MCRS1: variants seen among roughly 807,000 people sequenced by gnomAD.
MCRS1 encodes the protein microspherule protein 1, also known as 58 kDa microspherule protein.
A neutral mutation model predicts 62.9 loss-of-function variants in MCRS1; 22 were observed. That is an observed-to-expected ratio of 0.35 (90% CI 0.25 to 0.50). The LOEUF (loss-of-function observed/expected upper bound fraction) is 0.50, where lower values mean the gene tolerates loss of function less well. Among genes scored for constraint, MCRS1 ranks in the 20% least tolerant of loss-of-function variants. MCRS1 has a pLI of 0.98. For synonymous variants in MCRS1, 244 were observed against 233.5 expected (o/e 1.04, Z -0.41); for missense variants, 456 against 601.1 (o/e 0.76, Z 2.52).
intron 8 of MCRS1, among the ~76,000 whole-genome samples, chr12:49,561,989 C>T (rs553862667): frequency 4.6e-5 from 7 of 152,308 alleles, no homozygotes; most frequent in African/African-American, 1.4e-4. Flanking sequence ...AGTATCTGTT[C>T]TCTCTGTGGG....
chr12:49,564,405 T>A (rs574026039), intron 6 of MCRS1, 76 bp downstream of exon 6: 399 of 1,273,160 alleles, frequency 3.1e-4, no homozygotes, highest in Non-Finnish European at 4.3e-4. Context: ...GGGGCCCTGG[T>A]ACAATTCCCT....
intron 2 of MCRS1, 57 bp downstream of exon 2, chr12:49,566,665 G>A: frequency 6.2e-7 from 1 of 1,611,746 alleles, no homozygotes; most frequent in Non-Finnish European, 8.5e-7. Flanking sequence ...GCACAGAGTG[G>A]AATCAGCAGA....
chr12:49,559,050 G>A lies in MCRS1; in HGVS notation c.1175-80C>T. ...GGGGAAAGGCCAGAGAGAGCCAGGA[G>A]CTTCCATGGACCAGCTCTGCTTCCT... is the stretch of plus-strand genomic sequence containing the variant. On this transcript the variant is annotated intron_variant, in intron 13 of 14. Transcript: ENST00000343810. This position sits in a 1 kb window ranked among gnomAD's most constrained non-coding sequence, Gnocchi z 5.2. 5.7e-6 allele frequency: 9 copies of A among 1,585,876 alleles called. No homozygotes were observed. Among genetic ancestry groups the A allele is most frequent in the Non-Finnish European group, 7.8e-6 (9 of 1,160,090 alleles).
intron 8 of MCRS1, among the ~76,000 whole-genome samples, chr12:49,561,047 C>CT (rs1027829090): frequency 5.3e-5 from 8 of 152,094 alleles, no homozygotes; most frequent in African/African-American, 1.9e-4. Flanking sequence ...TCATGAAAGT[C>CT]TGTTTTTTTT....
At position 49,564,843 on chromosome 12, in the gene MCRS1, C is replaced by T. The variant is rs1159458580; in HGVS notation, c.341G>A (p.Gly114Glu). Reference protein sequence around the residue: ...PVPPSPAPAPGLTKRVKKSKQ... With the variant: ...PVPPSPAPAPELTKRVKKSKQ... ...ACTCTTCTTCACACGCTTGGTGAGTCCAGGGGCTGGGGCTGGGCTGGGTGG... is the reference window on the plus strand; with the variant it reads ...ACTCTTCTTCACACGCTTGGTGAGTTCAGGGGCTGGGGCTGGGCTGGGTGG... The change falls in exon 5 of 15, where the codon GGA becomes GAA. Residue 114 changes from glycine (G) to glutamate (E), a missense_variant. Transcript: ENST00000343810. 1 of 1,613,714 alleles carries T rather than the reference C, an allele frequency of 6.2e-7. No homozygotes were observed. The highest frequency in any genetic ancestry group is 8.5e-7 in the Non-Finnish European group (1 of 1,179,810).
Position 49,566,151 on chromosome 12 carries a change from C to T in MCRS1, c.75G>A (p.Glu25=). 6.2e-7 allele frequency: 1 copy of T among 1,614,220 alleles called. No homozygotes were observed. The highest frequency in any genetic ancestry group is 1.1e-5 in the South Asian group (1 of 91,086). ...CTCGCTTCTGCCCTGCCAGTGACTCCTCATCCTCTGAGCGGCTGGCAGTGC... is the reference window on the plus strand; with the variant it reads ...CTCGCTTCTGCCCTGCCAGTGACTCTTCATCCTCTGAGCGGCTGGCAGTGC... The part of the protein sequence containing the change: ...ASGTASRSED[E]ESLAGQKRAS... The change falls in exon 3 of 15, where the codon GAG becomes GAA. Residue 25 remains glutamate (E), a synonymous_variant. Transcript: ENST00000343810.
intron 7 of MCRS1, 56 bp downstream of exon 7, chr12:49,563,382 G>A: frequency 1.3e-6 from 2 of 1,525,366 alleles, no homozygotes; most frequent in African/African-American, 1.4e-5. Context: ...TGGTTTTCTA[G>A]GTGGTCCAGC....
At chr12:49,560,458 A>G (rs1487512835) in intron 8 of MCRS1, 88 bp from the exon 9 acceptor site, 6 of 1,218,064 alleles carry the variant, frequency 4.9e-6, no homozygotes, top group Non-Finnish European at 1.2e-6. Flanking sequence ...GACCAGCTGC[A>G]GACTGCGCTG....
intron 8 of MCRS1, 105 bp from the exon 9 acceptor site, chr12:49,560,475 G>C (rs1306743875): frequency 9.9e-7 from 1 of 1,013,720 alleles, no homozygotes; most frequent in Non-Finnish European, 1.6e-6. Context: ...GCTGGGTGGA[G>C]AGCCCAGCAC....
chr12:49,566,341 G>A, intron 2 of MCRS1, 126 bp from the exon 3 acceptor site: 2 of 1,562,332 alleles, frequency 1.3e-6, no homozygotes, highest in South Asian at 1.2e-5. Context: ...TGACACTTGA[G>A]GTTTTAAGGT....
chr12:49,559,029 A>C lies in MCRS1; in HGVS notation c.1175-59T>G. 1 of 1,603,944 alleles carries C rather than the reference A, an allele frequency of 6.2e-7. No individual in the cohort carries two copies. Among genetic ancestry groups the C allele is most frequent in the Non-Finnish European group, 8.5e-7 (1 of 1,175,908 alleles). On this transcript the variant is annotated intron_variant, in intron 13 of 14. Coordinates refer to ENST00000343810, the MANE Select transcript of MCRS1 (RefSeq NM_006337.5). This position sits in a 1 kb window ranked among gnomAD's most constrained non-coding sequence, Gnocchi z 5.2. Reference sequence around the variant, plus strand: ...ATGGGGAGGGATTGATGGGATGGGGAAAGGCCAGAGAGAGCCAGGAGCTTC... The same window carrying C: ...ATGGGGAGGGATTGATGGGATGGGGCAAGGCCAGAGAGAGCCAGGAGCTTC...
intron 2 of MCRS1, 39 bp downstream of exon 2, chr12:49,566,683 C>T (rs758974004): frequency 2.2e-5 from 36 of 1,613,228 alleles, no homozygotes; most frequent in Non-Finnish European, 2.9e-5. Flanking sequence ...AGATGCTTGG[C>T]GCCCGAGCAT....
At chr12:49,560,937 G>A (rs1193715110) in intron 8 of MCRS1, among the ~76,000 whole-genome samples, 1 of 152,132 alleles carries the variant, frequency 6.6e-6, no homozygotes, top group Admixed American at 6.5e-5. Context: ...GTCATGACCT[G>A]CTAATGGGTC....
At chr12:49,564,340 G>C in intron 6 of MCRS1, 141 bp downstream of exon 6, 2 of 645,866 alleles carry the variant, frequency 3.1e-6, no homozygotes, top group South Asian at 2.0e-5. Flanking sequence ...AGCCTCTCAG[G>C]CCTCAGTATC....
chr12:49,559,117 TC>T lies in MCRS1; in HGVS notation c.1174+96del. 2.0e-6 allele frequency: 3 copies of T among 1,519,374 alleles called. No homozygotes were observed. Among genetic ancestry groups the T allele is most frequent in the Non-Finnish European group, 2.7e-6 (3 of 1,104,502 alleles). The allele number at this position is 1,519,374 out of a possible 1,614,324, so 94.1% of individuals were successfully genotyped here. On this transcript the variant is annotated intron_variant, in intron 13 of 14. Transcript: ENST00000343810. This position sits in a 1 kb window ranked among gnomAD's most constrained non-coding sequence, Gnocchi z 5.2. ...CCCTGCCTCAGGTGGTCCACGAGGG[TC>T]CCCATGGACACCAAGCCCAGGGCTA...
chr12:49,563,404 C>A, intron 7 of MCRS1, 34 bp downstream of exon 7: 1 of 1,585,274 alleles, frequency 6.3e-7, no homozygotes. Flanking sequence ...CTCGCTGTGC[C>A]CTGATCCTCC....
In MCRS1 at chr12:49,558,961, T is replaced by A; in HGVS notation, c.1184A>T (p.Lys395Met). The change falls in exon 14 of 15, where the codon AAG (lysine) becomes ATG (methionine). Residue 395 changes from lysine to methionine, a missense_variant. Transcript: ENST00000343810. ...WKISRKQGVI[K>M]LKNNGDFFIA... ...GAAGAAATCACCGTTGTTCTTCAGC[T>A]TGATGACACCTGTGGAAGCAGAAAG... 1 of 1,611,840 alleles carries A rather than the reference T, an allele frequency of 6.2e-7. No homozygotes were observed. The highest frequency in any genetic ancestry group is 8.5e-7 in the Non-Finnish European group (1 of 1,179,962).
chr12:49,565,167 G>A, intron 4 of MCRS1: 3 of 985,430 alleles, frequency 3.0e-6, no homozygotes, highest in Non-Finnish European at 3.6e-6. Flanking sequence ...GGGTGGGGAG[G>A]ATACCGGGAA....
Position 49,559,140 on chromosome 12 carries a change from G to A in MCRS1, c.1174+74C>T. 1 of 1,555,604 alleles carries A rather than the reference G, an allele frequency of 6.4e-7. No individual in the cohort carries two copies. The highest frequency in any genetic ancestry group is 8.8e-7 in the Non-Finnish European group (1 of 1,133,814). The stretch of plus-strand genomic sequence containing the variant: ...GGTCCCCATGGACACCAAGCCCAGG[G>A]CTAGAAAGGACAGCGAGAGGCTGGG... On this transcript the variant is annotated intron_variant, in intron 13 of 14. Transcript: ENST00000343810. This position sits in a 1 kb window ranked among gnomAD's most constrained non-coding sequence, Gnocchi z 5.2.
Sources: allele counts gnomAD v4.1 joint callset (sites outside exome capture counted in the v4.1 genomes callset), GRCh38; gene constraint gnomAD v4.1.1; non-coding constraint Gnocchi (gnomAD v3.1); transcripts MANE v1.5; gene names NCBI Gene and HGNC (gene_info 2026-07-23, HGNC 2026-07-21).